The following MYO7B variants were observed in gnomAD, a reference collection of about 807,000 sequenced individuals.
MYO7B encodes the protein myosin VIIB.
A neutral mutation model predicts 259.7 loss-of-function variants in MYO7B; 212 were observed. The observed-to-expected ratio is 0.82, with a 90% CI of 0.73 to 0.91. The LOEUF is 0.91. Ranked by LOEUF, MYO7B falls within the 40% of genes least tolerant of loss-of-function variation. MYO7B has a pLI of 0.00. For synonymous variants in MYO7B, 1,197 were observed against 1,166.4 expected (o/e 1.03, Z -0.54); for missense variants, 2,732 against 2,813.5 (o/e 0.97, Z 0.66).
rs777707510 is a variant in MYO7B at position 127,636,514 on chromosome 2, G to A, written c.6124-31G>A. The A allele has an allele frequency of 2.5e-6, 4 of 1,592,932 alleles. No homozygotes were observed. In the South Asian group the frequency reaches 3.4e-5, roughly 13 times the overall value. The stretch of plus-strand genomic sequence containing the variant: ...GAGGTGCAGCCTGGCCTCCCGGGCT[G>A]GACTATGACCGCCGTGTCCCTCCCT... On this transcript the variant is annotated intron_variant, in intron 45 of 47. Transcript: ENST00000409816. This position sits in a 1 kb window ranked among gnomAD's most constrained non-coding sequence, Gnocchi z 4.5.
chr2:127,636,015 T>C lies in MYO7B; in HGVS notation c.6006+108T>C. The C allele has an allele frequency of 7.2e-7, 1 of 1,381,648 alleles. No homozygotes were observed. The highest frequency in any genetic ancestry group is 2.5e-5 in the East Asian group (1 of 39,914). The allele number at this position is 1,381,648 out of a possible 1,614,324, so 85.6% of individuals were successfully genotyped here. The stretch of plus-strand genomic sequence containing the variant: ...CCAAGATCACATGGGTGCACATGGG[T>C]GGTGTGGAGGGTGGGCTGGCTCTGC... On this transcript the variant is annotated intron_variant, in intron 44 of 47. Coordinates refer to ENST00000409816, the MANE Select transcript of MYO7B (RefSeq NM_001393586.1). The surrounding 1 kb of genome is among the most constrained non-coding windows in gnomAD (Gnocchi z 4.5).
chr2:127,549,981 C>T (rs1693385826), intron 1 of MYO7B, among the ~76,000 whole-genome samples: 1 of 152,152 alleles, frequency 6.6e-6, no homozygotes, highest in African/African-American at 2.4e-5. Flanking sequence ...TCTCTCAGAT[C>T]AGCTATTTTT....
intron 17 of MYO7B, 32 bp downstream of exon 17, chr2:127,592,978 C>A: frequency 6.5e-7 from 1 of 1,534,134 alleles, no homozygotes; most frequent in Non-Finnish European, 8.7e-7. Context: ...TCACCTCTGG[C>A]CATCCGCGGC....
Position 127,609,745 on chromosome 2 carries a change from C to CT in MYO7B, c.3024+30_3024+31insT. 3 of 1,613,146 alleles carry CT rather than the reference C, an allele frequency of 1.9e-6. No individual in the cohort carries two copies. The highest frequency in any genetic ancestry group is 2.5e-6 in the Non-Finnish European group (3 of 1,179,212). On this transcript the variant is annotated intron_variant, in intron 23 of 47. Transcript: ENST00000409816. The surrounding 1 kb of genome is among the most constrained non-coding windows in gnomAD (Gnocchi z 6.9). ...CAGGGTTCACTGGCTTCTAGTGGAT[C>CT]AGGCCAGCCCCGAGCCTGGGGTGTG...
chr2:127,540,354 G>A (rs986179726), intron 1 of MYO7B, among the ~76,000 whole-genome samples: 9 of 152,102 alleles, frequency 5.9e-5, no homozygotes, highest in Non-Finnish European at 1.2e-4. Context: ...AGTAGAGACA[G>A]GGTTTCACCA....
chr2:127,569,702 G>A, intron 5 of MYO7B, 87 bp from the exon 6 acceptor site: 3 of 1,486,228 alleles, frequency 2.0e-6, no homozygotes, highest in Non-Finnish European at 2.7e-6. Flanking sequence ...GGCTCAGAAA[G>A]CAGGACTGGG....
At chr2:127,566,361 C>T (rs1214170902) in intron 4 of MYO7B, among the ~76,000 whole-genome samples, 6 of 152,254 alleles carry the variant, frequency 3.9e-5, no homozygotes, top group African/African-American at 7.2e-5. Flanking sequence ...TATCGAGCCC[C>T]TTCTAAATAC....
intron 2 of MYO7B, among the ~76,000 whole-genome samples, chr2:127,560,653 A>T (rs1678048401): frequency 6.6e-6 from 1 of 152,296 alleles, no homozygotes; most frequent in East Asian, 1.9e-4. Context: ...TGGTGAGCCC[A>T]GAGAGCAGAG....
At chr2:127,594,561 G>C (rs1421431363) in intron 18 of MYO7B, among the ~76,000 whole-genome samples, 1 of 152,212 alleles carries the variant, frequency 6.6e-6, no homozygotes, top group Non-Finnish European at 1.5e-5. Flanking sequence ...CAATTTAGTG[G>C]GGGAGGCAAG....
chr2:127,592,718 G>C, intron 16 of MYO7B, 76 bp from the exon 17 acceptor site: 2 of 1,535,418 alleles, frequency 1.3e-6, no homozygotes, highest in Admixed American at 2.0e-5. Context: ...GCCCGTGCCC[G>C]GTGGTGGGGT....
chr2:127,620,471 G>GA lies in MYO7B; in HGVS notation c.3525+6dup. 6.4e-7 allele frequency: 1 copy of GA among 1,556,934 alleles called. No homozygotes were observed. The highest frequency in any genetic ancestry group is 8.8e-7 in the Non-Finnish European group (1 of 1,141,250). On this transcript the variant is annotated splice_donor_region_variant and intron_variant, in intron 27 of 47. Coordinates refer to ENST00000409816, the MANE Select transcript of MYO7B (RefSeq NM_001393586.1). ...CCCTCAGAGAGGTTCATGAAGGTGA[G>GA]AGGGTTCATGAAGGGAGGGCGGGCA...
chr2:127,634,715 C>A, intron 42 of MYO7B, 32 bp downstream of exon 42: 1 of 1,494,846 alleles, frequency 6.7e-7, no homozygotes, highest in African/African-American at 1.5e-5. Flanking sequence ...TGGGGGAGGG[C>A]GTGGCTGGGT....
In MYO7B at chr2:127,609,599, G is replaced by T; in HGVS notation, c.2908G>T (p.Glu970Ter). The change falls in exon 23 of 48, where the codon GAG (glutamate) becomes TAG (stop). Residue 970 changes from glutamate to a stop codon, truncating the protein, a stop_gained. Transcript: ENST00000409816. LOFTEE classifies it high-confidence loss of function. The surrounding 1 kb of genome is among the most constrained non-coding windows in gnomAD (Gnocchi z 6.9). ...TGAGGAGGATGTGGATGGCCTGGCC[G>T]AGTACACCTTCCCCAAGTTTGCTGT... ...EPEEDVDGLA[E>*]YTFPKFAVTY... 1.2e-6 allele frequency: 2 copies of T among 1,614,018 alleles called. No homozygotes were observed. The highest frequency in any genetic ancestry group is 1.7e-6 in the Non-Finnish European group (2 of 1,179,890).
chr2:127,598,068 T>G (rs1222170190), intron 19 of MYO7B, among the ~76,000 whole-genome samples: 1 of 152,382 alleles, frequency 6.6e-6, no homozygotes, highest in East Asian at 1.9e-4. Flanking sequence ...AAAGCTGTTA[T>G]GAACATTTAT....
Position 127,576,782 on chromosome 2 carries a change from G to A in MYO7B, c.849+74G>A, listed in dbSNP as rs1006789401. The A allele has an allele frequency of 7.2e-6, 8 of 1,113,044 alleles. No individual in the cohort carries two copies. Among genetic ancestry groups the A allele is most frequent in the African/African-American group, 6.3e-5 (4 of 63,936 alleles). The allele number at this position is 1,113,044 out of a possible 1,614,324, so 68.9% of individuals were successfully genotyped here. ...AAGAGCTTGTGCCGCTCCACCCTCC[G>A]CGACAGCTGCAGAGAAGCCCAACGC... On this transcript the variant is annotated intron_variant, in intron 8 of 47. Transcript: ENST00000409816. This position sits in a 1 kb window ranked among gnomAD's most constrained non-coding sequence, Gnocchi z 4.9.
intron 1 of MYO7B, among the ~76,000 whole-genome samples, chr2:127,549,690 G>A (rs1443917428): frequency 1.3e-5 from 2 of 152,262 alleles, no homozygotes; most frequent in East Asian, 3.9e-4. Flanking sequence ...CATATCTGAG[G>A]GACATGTCCA....
At chr2:127,632,548 G>T in intron 39 of MYO7B, 147 bp downstream of exon 39, 1 of 1,091,646 alleles carries the variant, frequency 9.2e-7, no homozygotes, top group Non-Finnish European at 1.3e-6. Flanking sequence ...ATTGGGCCCC[G>T]AGCTGCCAGA....
At chr2:127,635,264 C>G in intron 43 of MYO7B, 38 bp downstream of exon 43, 1 of 1,554,378 alleles carries the variant, frequency 6.4e-7, no homozygotes, top group Non-Finnish European at 8.8e-7. Context: ...CTGGGGCCAC[C>G]CCCATCTTCC....
intron 36 of MYO7B, 105 bp downstream of exon 36, chr2:127,631,013 T>C: frequency 2.9e-6 from 4 of 1,368,968 alleles, no homozygotes; most frequent in Non-Finnish European, 2.0e-6. Flanking sequence ...TTGCACCCAC[T>C]GAGAGCTGCA....
Sources: gnomAD v4.1 joint callset for allele counts (sites outside exome capture counted in the v4.1 genomes callset) on GRCh38, gnomAD v4.1.1 for gene constraint, Gnocchi (gnomAD v3.1) non-coding constraint, MANE v1.5 for transcripts, NCBI Gene and HGNC (gene_info 2026-07-23, HGNC 2026-07-21) for gene names.